The following BICC1 variants were observed in gnomAD, a reference collection of about 807,000 sequenced individuals.
BICC1 encodes the protein protein bicaudal C homolog 1.
Under a neutral mutation model 111.0 loss-of-function variants are expected in BICC1, and 43 were observed. That is an observed-to-expected ratio of 0.39 (90% CI 0.30 to 0.50). The LOEUF (loss-of-function observed/expected upper bound fraction) is 0.50. Among genes scored for constraint, BICC1 ranks in the 20% least tolerant of loss-of-function variants. The pLI, the probability that BICC1 is intolerant of heterozygous loss-of-function variation, is 0.88. For missense variants in BICC1, 1,091 were observed against 1,203.2 expected (o/e 0.91, Z 1.38); for synonymous variants, 467 against 434.4 (o/e 1.07, Z -0.93).
rs79930261 is a variant in BICC1 at position 58,788,093 on chromosome 10, G to A, written c.547-277G>A. The stretch of plus-strand genomic sequence containing the variant: ...GTGAACAAGAGTAATTATAAAGAGG[G>A]CAGGATGATCTCCTGGGGGCTGTGG... On this transcript the variant is annotated intron_variant, in intron 5 of 20. Transcript: ENST00000373886. Among the ~76,000 whole-genome samples the A allele has an allele frequency of 5.2e-3, 795 of 152,242 alleles. 4 individuals carry two copies. The highest frequency in any genetic ancestry group is 0.01 in the Middle Eastern group (3 of 294).
intron 2 of BICC1, among the ~76,000 whole-genome samples, chr10:58,668,313 C>CTTTTTTTTTTT (rs953000620): frequency 1.3e-5 from 2 of 152,024 alleles, no homozygotes; most frequent in African/African-American, 4.8e-5. Flanking sequence ...CTTGTGTGAG[C>CTTTTTTTTTTT]TTTTGATCCT....
At chr10:58,622,707 G>A (rs1276267104) in intron 2 of BICC1, among the ~76,000 whole-genome samples, 1 of 152,188 alleles carries the variant, frequency 6.6e-6, no homozygotes, top group Non-Finnish European at 1.5e-5. Context: ...CCAAATTCCA[G>A]AGAGTCATTT....
chr10:58,673,487 G>A (rs930623529), intron 2 of BICC1, among the ~76,000 whole-genome samples: 46 of 152,204 alleles, frequency 3.0e-4, no homozygotes, highest in African/African-American at 1.1e-3. Flanking sequence ...ACAGGTGCTG[G>A]ACTATAAAGC....
chr10:58,561,355 A>G (rs1306176554), intron 1 of BICC1, among the ~76,000 whole-genome samples: 1 of 151,942 alleles, frequency 6.6e-6, no homozygotes, highest in African/African-American at 2.4e-5. Context: ...TCTAATATAA[A>G]TATAGCTACT....
At chr10:58,631,400 T>G (rs935137082) in intron 2 of BICC1, among the ~76,000 whole-genome samples, 2 of 152,160 alleles carry the variant, frequency 1.3e-5, no homozygotes, top group Admixed American at 6.5e-5. Context: ...TCTTTCTTTT[T>G]TTTTAAATTC....
intron 1 of BICC1, among the ~76,000 whole-genome samples, chr10:58,573,387 CT>C (rs1363318114): frequency 6.6e-6 from 1 of 152,146 alleles, no homozygotes; most frequent in African/African-American, 2.4e-5. Flanking sequence ...CTTTTGAGCC[CT>C]TTCTAGGCAG....
At chr10:58,803,294 G>A (rs766436404) in intron 15 of BICC1, 52 bp downstream of exon 15, 8 of 1,494,268 alleles carry the variant, frequency 5.4e-6, no homozygotes, top group African/African-American at 1.4e-5. Flanking sequence ...TTTGGGTTCT[G>A]GTATGGAGAA....
intron 3 of BICC1, among the ~76,000 whole-genome samples, chr10:58,766,214 A>T (rs1329952112): frequency 6.6e-6 from 1 of 152,182 alleles, no homozygotes; most frequent in African/African-American, 2.4e-5. Flanking sequence ...ATGTTCCAAA[A>T]AAAAACCCAA....
At chr10:58,728,145 A>G (rs1464229524) in intron 3 of BICC1, among the ~76,000 whole-genome samples, 1 of 152,210 alleles carries the variant, frequency 6.6e-6, no homozygotes, top group Non-Finnish European at 1.5e-5. Flanking sequence ...TTGCCCCATC[A>G]ATGGACTCTT....
intron 1 of BICC1, among the ~76,000 whole-genome samples, chr10:58,585,911 C>T (rs1006963213): frequency 2.0e-5 from 3 of 152,116 alleles, no homozygotes; most frequent in Non-Finnish European, 4.4e-5. Context: ...CACTTTTATT[C>T]TGAAAGGTAG....
Position 58,813,871 on chromosome 10 carries a change from C to G in BICC1, c.2418C>G (p.His806Gln). ...MSLSRSNSRE[H>Q]LGGGSESDNW... is the part of the protein sequence containing the mutation. ...TTTCACGGTCCAACAGTCGTGAGCACTTGGGAGGTGGAAGCGAATCTGATA... is the reference window on the plus strand; with the variant it reads ...TTTCACGGTCCAACAGTCGTGAGCAGTTGGGAGGTGGAAGCGAATCTGATA... The change falls in exon 18 of 21, where the codon CAC (histidine) becomes CAG (glutamine). Residue 806 changes from histidine (H) to glutamine (Q), a missense_variant. Physicochemically the swap from His to Gln is conservative, Grantham distance 24. This residue lies in a region of BICC1 where 231 missense variants were observed against 256.2 expected (regional missense o/e 0.90). Transcript: ENST00000373886. 6.2e-7 allele frequency: 1 copy of G among 1,613,928 alleles called. No individual in the cohort carries two copies. Among genetic ancestry groups the G allele is most frequent in the South Asian group, 1.1e-5 (1 of 91,078 alleles).
intron 1 of BICC1, among the ~76,000 whole-genome samples, chr10:58,598,269 G>A (rs10763562): frequency 6.6e-6 from 1 of 151,780 alleles, no homozygotes; most frequent in Admixed American, 6.6e-5. Flanking sequence ...ACCACAAAAC[G>A]ACAGTAACTG....
chr10:58,770,422 A>G (rs927084829), intron 3 of BICC1, among the ~76,000 whole-genome samples: 4 of 152,160 alleles, frequency 2.6e-5, no homozygotes, highest in African/African-American at 4.8e-5. Flanking sequence ...GATATGTTGT[A>G]CATTCTTAAT....
At chr10:58,581,995 A>G (rs1426193995) in intron 1 of BICC1, among the ~76,000 whole-genome samples, 3 of 152,014 alleles carry the variant, frequency 2.0e-5, no homozygotes, top group African/African-American at 4.8e-5. Context: ...ATACATGCAT[A>G]TGTATGTGTA....
At chr10:58,616,611 C>G (rs1343614782) in intron 1 of BICC1, among the ~76,000 whole-genome samples, 1 of 152,194 alleles carries the variant, frequency 6.6e-6, no homozygotes, top group Admixed American at 6.5e-5. Flanking sequence ...CAACATATAG[C>G]AAGTGCTGGT....
At chr10:58,766,729 C>A (rs1260941759) in intron 3 of BICC1, among the ~76,000 whole-genome samples, 1 of 151,948 alleles carries the variant, frequency 6.6e-6, no homozygotes, top group Non-Finnish European at 1.5e-5. Flanking sequence ...AGAATAGTTT[C>A]ATTTTACCCA....
intron 1 of BICC1, among the ~76,000 whole-genome samples, chr10:58,534,874 A>G (rs1364760160): frequency 1.3e-5 from 2 of 151,564 alleles, no homozygotes; most frequent in African/African-American, 4.8e-5. Context: ...ATTTTTTTTT[A>G]AAGAGATAGA....
intron 1 of BICC1, among the ~76,000 whole-genome samples, chr10:58,521,914 A>G (rs902437521): frequency 1.3e-5 from 2 of 150,922 alleles, no homozygotes; most frequent in African/African-American, 4.9e-5. Context: ...TCTAATGGAG[A>G]TGGTCCCAGG....
At chr10:58,687,646 C>T (rs1444910092) in intron 2 of BICC1, among the ~76,000 whole-genome samples, 4 of 152,156 alleles carry the variant, frequency 2.6e-5, no homozygotes, top group Non-Finnish European at 2.9e-5. Flanking sequence ...AGTGAGGCTC[C>T]GTGGGCATGG....
Sources: allele counts gnomAD v4.1 joint callset (sites outside exome capture counted in the v4.1 genomes callset), GRCh38; gene constraint gnomAD v4.1.1; regional missense constraint gnomAD v4.1.1; transcripts MANE v1.5; gene names NCBI Gene and HGNC (gene_info 2026-07-23, HGNC 2026-07-21).